The following PLXDC1 variants were observed in gnomAD, a reference collection of about 807,000 sequenced individuals.
PLXDC1 encodes the protein plexin domain-containing protein 1.
A neutral mutation model predicts 61.3 loss-of-function variants in PLXDC1; 39 were observed. That is an observed-to-expected ratio of 0.64 (90% CI 0.49 to 0.83). PLXDC1 has a LOEUF of 0.83. Ranked by LOEUF, PLXDC1 falls within the 40% of genes least tolerant of loss-of-function variation. PLXDC1 has a pLI of 0.00. For synonymous variants in PLXDC1, 212 were observed against 254.5 expected (o/e 0.83, Z 1.59); for missense variants, 596 against 666.5 (o/e 0.89, Z 1.17).
intron 8 of PLXDC1, 81 bp downstream of exon 8, chr17:39,087,526 G>T: frequency 9.2e-7 from 1 of 1,092,226 alleles, no homozygotes; most frequent in Non-Finnish European, 1.4e-6. Flanking sequence ...CAAAACAGGA[G>T]TCAGTCATGG....
chr17:39,139,060 C>G (rs973024393), intron 2 of PLXDC1, among the ~76,000 whole-genome samples: 2 of 152,154 alleles, frequency 1.3e-5, no homozygotes, highest in Non-Finnish European at 2.9e-5. Context: ...CCAGACACAC[C>G]GAGGCTTCCA....
chr17:39,095,985 T>G (rs1910182167), intron 7 of PLXDC1, among the ~76,000 whole-genome samples: 1 of 152,292 alleles, frequency 6.6e-6, no homozygotes, highest in Middle Eastern at 3.4e-3. Flanking sequence ...ATGTTAATGG[T>G]TCAAGTGAGA....
At chr17:39,144,533 G>A (rs942217067) in intron 1 of PLXDC1, among the ~76,000 whole-genome samples, 7 of 152,148 alleles carry the variant, frequency 4.6e-5, no homozygotes, top group Non-Finnish European at 5.9e-5. Flanking sequence ...TCATCCCCAC[G>A]ACTCATGAAA....
At chr17:39,094,311 G>T (rs1910062471) in intron 7 of PLXDC1, among the ~76,000 whole-genome samples, 1 of 152,100 alleles carries the variant, frequency 6.6e-6, no homozygotes, top group South Asian at 2.1e-4. Context: ...AAAACGCAAT[G>T]GGATCAAAAA....
chr17:39,142,074 G>A (rs34887143), intron 1 of PLXDC1, among the ~76,000 whole-genome samples: 22,227 of 151,972 alleles, frequency 0.15, 3,587 homozygotes, highest in African/African-American at 0.4. Context: ...TTTAGCAGCC[G>A]CAGCCTTGGC....
chr17:39,096,478 C>T (rs977853333), intron 7 of PLXDC1, among the ~76,000 whole-genome samples: 10 of 152,226 alleles, frequency 6.6e-5, no homozygotes, highest in Admixed American at 5.9e-4. Context: ...CACTTCCTCA[C>T]GTGGCTGCCC....
intron 7 of PLXDC1, among the ~76,000 whole-genome samples, chr17:39,093,325 A>G (rs1007887072): frequency 6.6e-6 from 1 of 152,104 alleles, no homozygotes; most frequent in South Asian, 2.1e-4. Context: ...TCCCGCCTCC[A>G]ATTCCCAAAG....
rs1330254776 is a variant in PLXDC1 at position 39,063,410 on chromosome 17, G to A, written c.*4430C>T. The A allele has an allele frequency of 1.4e-6, 1 of 700,066 alleles. No homozygotes were observed. The highest frequency in any genetic ancestry group is 1.5e-5 in the South Asian group (1 of 66,924). The allele number at this position is 700,066 out of a possible 1,614,324, so 43.4% of individuals were successfully genotyped here. A position where few individuals can be genotyped will look rare whatever the true frequency, so the allele number is the denominator to read the frequency against. ...AGACCAATATAAGTAAACAGCTGGG[G>A]TTTCTTTTTAGGCTGTTTCTCTTGG... On this transcript the variant is annotated 3_prime_UTR_variant, in exon 14 of 14. Coordinates refer to ENST00000315392, the MANE Select transcript of PLXDC1 (RefSeq NM_020405.5).
rs1908824442 is a variant in PLXDC1, at chr17:39,064,566, C to T, written c.*3274G>A. The T allele has an allele frequency of 6.6e-6, 1 of 152,054 alleles. No individual in the cohort carries two copies. Among genetic ancestry groups the T allele is most frequent in the Non-Finnish European group, 1.5e-5 (1 of 68,022 alleles). 9.4% of individuals were successfully genotyped at this position (152,054 alleles called of 1,614,324 possible). ...TTATACATGTCATGAGGGTCATTGC[C>T]AAAGAAAGAAGTGAGTTAAGTGTAA... is the stretch of plus-strand genomic sequence containing the variant. On this transcript the variant is annotated 3_prime_UTR_variant, in exon 14 of 14. Coordinates refer to ENST00000315392, the MANE Select transcript of PLXDC1 (RefSeq NM_020405.5).
chr17:39,077,898 G>A lies in PLXDC1; in HGVS notation c.1186+15C>T. On this transcript the variant is annotated intron_variant, in intron 11 of 13. Coordinates refer to ENST00000315392, the MANE Select transcript of PLXDC1 (RefSeq NM_020405.5). ...CTGGCCTCCTCTCTGCTCCCCTCCT[G>A]GGCTCAGAACTTACCTTCTGTGGTG... 6.2e-7 allele frequency: 1 copy of A among 1,613,926 alleles called. No individual in the cohort carries two copies. The highest frequency in any genetic ancestry group is 1.7e-5 in the Admixed American group (1 of 60,002).
At chr17:39,077,201 G>A (rs1174406295) in intron 11 of PLXDC1, among the ~76,000 whole-genome samples, 1 of 152,122 alleles carries the variant, frequency 6.6e-6, no homozygotes, top group Non-Finnish European at 1.5e-5. Flanking sequence ...ATAAGGGAGA[G>A]GAATGTCTCA....
intron 13 of PLXDC1, 115 bp from the exon 14 acceptor site, chr17:39,068,074 T>TATAA: frequency 3.1e-6 from 3 of 967,420 alleles, no homozygotes; most frequent in Non-Finnish European, 4.6e-6. Flanking sequence ...CTGGGGCACT[T>TATAA]GGGCCTACCA....
chr17:39,078,419 A>G lies in PLXDC1; in HGVS notation c.1051-371T>C, dbSNP rs372634736. 9.2e-5 allele frequency among the ~76,000 whole-genome samples: 14 copies of G among 152,350 alleles called. No homozygotes were observed. The South Asian group carries it at 1.7e-3, about 18-fold the overall frequency. On this transcript the variant is annotated intron_variant, in intron 10 of 13. Transcript: ENST00000315392. ...CCCAGTTTTCCCCTGTGATCGATCAATGGGGGCAATGGCCCCCAGCTTTTG... is the reference window on the plus strand; with the variant it reads ...CCCAGTTTTCCCCTGTGATCGATCAGTGGGGGCAATGGCCCCCAGCTTTTG...
intron 7 of PLXDC1, among the ~76,000 whole-genome samples, chr17:39,089,192 C>G (rs1392993298): frequency 1.3e-5 from 2 of 152,320 alleles, no homozygotes; most frequent in East Asian, 1.9e-4. Flanking sequence ...CTGTGCCTGG[C>G]CCATTCCTAC....
intron 2 of PLXDC1, among the ~76,000 whole-genome samples, chr17:39,110,190 C>G (rs1212355834): frequency 1.3e-5 from 2 of 152,020 alleles, no homozygotes; most frequent in Non-Finnish European, 2.9e-5. Context: ...GCCTCTTGGT[C>G]CTGGGGAGTT....
At position 39,139,737 on chromosome 17, in the gene PLXDC1, G is replaced by GC; in HGVS notation, c.171dup (p.Pro58AlafsTer23). 6.2e-7 allele frequency: 1 copy of GC among 1,614,014 alleles called. No individual in the cohort carries two copies. ...TCCTGGCTCAGCTGGGTCCTGTCCG[G>GC]CTCTGACACATGCCCAGGGCTCTCT... On this transcript the variant is annotated frameshift_variant, in exon 2 of 14. Coordinates refer to ENST00000315392, the MANE Select transcript of PLXDC1 (RefSeq NM_020405.5). LOFTEE classifies it high-confidence loss of function.
chr17:39,082,215 G>A (rs1909588760), intron 9 of PLXDC1, among the ~76,000 whole-genome samples: 1 of 152,164 alleles, frequency 6.6e-6, no homozygotes, highest in Admixed American at 6.5e-5. Context: ...AGGAGCAAAG[G>A]AATCCTGGAA....
At chr17:39,086,142 T>C (rs7501787) in intron 8 of PLXDC1, among the ~76,000 whole-genome samples, 40,619 of 152,192 alleles carry the variant, frequency 0.27, 6,137 homozygotes, top group Admixed American at 0.43. Flanking sequence ...CCCTTGGATG[T>C]CCTTGCTCCT....
chr17:39,072,575 A>G lies in PLXDC1; in HGVS notation c.1187-90T>C, dbSNP rs542843674. 2.4e-3 allele frequency: 2,080 copies of G among 859,354 alleles called. 4 individuals are homozygous for G. Among genetic ancestry groups the G allele is most frequent in the Admixed American group, 3.0e-3 (151 of 50,064 alleles). The allele number at this position is 859,354 out of a possible 1,614,324, so 53.2% of individuals were successfully genotyped here. On this transcript the variant is annotated intron_variant, in intron 11 of 13. Coordinates refer to ENST00000315392, the MANE Select transcript of PLXDC1 (RefSeq NM_020405.5). ...TCCAGATGGGATGAAAGTTCAGCCC[A>G]AACTTTCATTTTAGAGGTAAGGAAA...
Sources: allele counts gnomAD v4.1 joint callset (sites outside exome capture counted in the v4.1 genomes callset), GRCh38; gene constraint gnomAD v4.1.1; transcripts MANE v1.5; gene names NCBI Gene and HGNC (gene_info 2026-07-23, HGNC 2026-07-21).